EFCAB6: variants seen among roughly 807,000 people sequenced by gnomAD.
EFCAB6 encodes the protein EF-hand calcium-binding domain-containing protein 6.
EFCAB6 carries 156 observed loss-of-function variants against 169.8 expected under a neutral mutation model. The ratio of observed to expected loss-of-function variants is 0.92; its 90% confidence interval spans 0.81 to 1.05. The LOEUF (loss-of-function observed/expected upper bound fraction) is 1.05. Ranked by LOEUF, EFCAB6 falls within the 50% of genes least tolerant of loss-of-function variation. EFCAB6 has a pLI of 0.00. For synonymous variants in EFCAB6, 698 were observed against 676.4 expected (o/e 1.03, Z -0.50); for missense variants, 1,800 against 1,829.1 (o/e 0.98, Z 0.29).
At chr22:43,748,680 A>G (rs1403577210) in intron 6 of EFCAB6, among the ~76,000 whole-genome samples, 1 of 152,202 alleles carries the variant, frequency 6.6e-6, no homozygotes, top group Non-Finnish European at 1.5e-5. Flanking sequence ...ACCACAGTGG[A>G]CAGGACAGAA....
chr22:43,802,501 A>G (rs1050366638), intron 2 of EFCAB6: 2 of 313,732 alleles, frequency 6.4e-6, no homozygotes, highest in African/African-American at 4.4e-5. Flanking sequence ...ACTGCACTTC[A>G]ACCTGGGTGA....
At chr22:43,564,126 C>T (rs2049263259) in intron 26 of EFCAB6, among the ~76,000 whole-genome samples, 1 of 152,212 alleles carries the variant, frequency 6.6e-6, no homozygotes, top group Non-Finnish European at 1.5e-5. Context: ...AGACAGGCAT[C>T]TTCCAGGACA....
chr22:43,557,623 A>G (rs1481715492), intron 26 of EFCAB6, among the ~76,000 whole-genome samples: 2 of 152,232 alleles, frequency 1.3e-5, no homozygotes, highest in South Asian at 2.1e-4. Flanking sequence ...TAATTTTTAC[A>G]TTAGTCAAAA....
At chr22:43,790,171 A>C (rs1214720653) in intron 2 of EFCAB6, among the ~76,000 whole-genome samples, 1 of 152,202 alleles carries the variant, frequency 6.6e-6, no homozygotes, top group Non-Finnish European at 1.5e-5. Flanking sequence ...TATTTGCCAC[A>C]GTCAGGTGGC....
intron 6 of EFCAB6, among the ~76,000 whole-genome samples, chr22:43,753,826 AT>A (rs2060859156): frequency 6.6e-6 from 1 of 152,234 alleles, no homozygotes; most frequent in Non-Finnish European, 1.5e-5. Context: ...GGCTCCAAAA[AT>A]TCAGAGACAT....
intron 12 of EFCAB6, among the ~76,000 whole-genome samples, chr22:43,679,420 GA>G (rs1047286551): frequency 5.9e-5 from 9 of 152,144 alleles, no homozygotes. Flanking sequence ...TTCCAGTTTG[GA>G]AATTGTGAAT....
chr22:43,542,070 G>C (rs2147081916), intron 27 of EFCAB6, among the ~76,000 whole-genome samples: 1 of 152,364 alleles, frequency 6.6e-6, no homozygotes, highest in African/African-American at 2.4e-5. Context: ...AGCCCCGTAG[G>C]GGAGGACCCG....
chr22:43,578,189 T>C (rs2050385804), intron 25 of EFCAB6, among the ~76,000 whole-genome samples: 1 of 152,166 alleles, frequency 6.6e-6, no homozygotes, highest in Non-Finnish European at 1.5e-5. Flanking sequence ...GCAGGTTTAT[T>C]CACGCTGAGC....
At chr22:43,754,002 G>T (rs1258395710) in intron 6 of EFCAB6, among the ~76,000 whole-genome samples, 1 of 152,204 alleles carries the variant, frequency 6.6e-6, no homozygotes, top group African/African-American at 2.4e-5. Flanking sequence ...TCCAACATTA[G>T]TGTGTGACCG....
intron 26 of EFCAB6, among the ~76,000 whole-genome samples, chr22:43,555,308 C>A (rs1385733196): frequency 6.6e-6 from 1 of 152,176 alleles, no homozygotes; most frequent in Non-Finnish European, 1.5e-5. Context: ...CATGAAGGAT[C>A]CAGCGAGTTC....
chr22:43,636,401 C>A (rs997553625), intron 17 of EFCAB6, among the ~76,000 whole-genome samples: 3 of 152,080 alleles, frequency 2.0e-5, no homozygotes, highest in Admixed American at 6.5e-5. Flanking sequence ...GCGCAGCACC[C>A]CTTAGTGCCC....
intron 17 of EFCAB6, among the ~76,000 whole-genome samples, chr22:43,643,946 C>T (rs1798712055): frequency 6.6e-6 from 1 of 151,990 alleles, no homozygotes; most frequent in East Asian, 1.9e-4. Context: ...GCCTCAGCCT[C>T]CTGAGTAGCT....
chr22:43,584,169 G>A (rs368695328), intron 24 of EFCAB6, among the ~76,000 whole-genome samples: 9 of 152,196 alleles, frequency 5.9e-5, no homozygotes, highest in East Asian at 5.8e-4. Flanking sequence ...TCAAAGTGTA[G>A]CTGCCAAAAG....
At chr22:43,737,729 TCACA>T (rs151256302) in intron 6 of EFCAB6, among the ~76,000 whole-genome samples, 1 of 136,626 alleles carries the variant, frequency 7.3e-6, no homozygotes, top group African/African-American at 2.8e-5. Flanking sequence ...ACACATATAT[TCACA>T]CACACACATG....
At chr22:43,591,936 T>C (rs2051587599) in intron 23 of EFCAB6, among the ~76,000 whole-genome samples, 1 of 152,206 alleles carries the variant, frequency 6.6e-6, no homozygotes, top group Non-Finnish European at 1.5e-5. Flanking sequence ...TCCCTGAAAA[T>C]GTCTTCCTTA....
At chr22:43,762,580 T>C (rs2061201202) in intron 5 of EFCAB6, among the ~76,000 whole-genome samples, 2 of 152,246 alleles carry the variant, frequency 1.3e-5, no homozygotes, top group Admixed American at 1.3e-4. Context: ...TAGCCTACCG[T>C]ATTGCTAGAA....
intron 6 of EFCAB6, among the ~76,000 whole-genome samples, chr22:43,743,000 G>A (rs560452203): frequency 1.3e-5 from 2 of 152,304 alleles, no homozygotes; most frequent in South Asian, 2.1e-4. Context: ...TCCAAAGTGC[G>A]GCTGCATAAG....
chr22:43,660,384 CCTA>C (rs1422860005), intron 17 of EFCAB6, among the ~76,000 whole-genome samples: 1 of 152,000 alleles, frequency 6.6e-6, no homozygotes, highest in Non-Finnish European at 1.5e-5. Flanking sequence ...CCTCAAAATG[CCTA>C]CTGAGAGAAA....
At chr22:43,688,358 C>T (rs549999434) in intron 10 of EFCAB6, among the ~76,000 whole-genome samples, 6 of 152,246 alleles carry the variant, frequency 3.9e-5, no homozygotes, top group African/African-American at 1.2e-4. Flanking sequence ...CCACTAGGCT[C>T]GTGTACTTTG....
Sources: allele counts gnomAD v4.1 joint callset (sites outside exome capture counted in the v4.1 genomes callset), GRCh38; gene constraint gnomAD v4.1.1; transcripts MANE v1.5; gene names NCBI Gene and HGNC (gene_info 2026-07-23, HGNC 2026-07-21).